PCDH9: variants seen among roughly 807,000 people sequenced by gnomAD.
PCDH9 encodes the protein protocadherin 9.
Under a neutral mutation model 70.6 loss-of-function variants are expected in PCDH9, and 24 were observed. The ratio of observed to expected loss-of-function variants is 0.34; its 90% confidence interval spans 0.25 to 0.48. The LOEUF is 0.48. PCDH9 is among the 20% of genes least tolerant of loss of function. The pLI is 0.99. For synonymous variants in PCDH9, 562 were observed against 558.5 expected (o/e 1.01, Z -0.09); for missense variants, 1,281 against 1,503.6 (o/e 0.85, Z 2.45).
intron 2 of PCDH9, among the ~76,000 whole-genome samples, chr13:66,970,858 T>A (rs887173271): frequency 3.9e-5 from 6 of 152,018 alleles, no homozygotes; most frequent in Non-Finnish European, 8.8e-5. Context: ...TATTTATTTA[T>A]CTTTTTAACA....
chr13:67,145,320 G>C (rs767860911), intron 2 of PCDH9, among the ~76,000 whole-genome samples: 1 of 151,966 alleles, frequency 6.6e-6, no homozygotes, highest in Non-Finnish European at 1.5e-5. Flanking sequence ...TCTCTATTAA[G>C]ATGCTTAGGT....
At chr13:67,131,771 C>G (rs2087117532) in intron 2 of PCDH9, among the ~76,000 whole-genome samples, 1 of 152,164 alleles carries the variant, frequency 6.6e-6, no homozygotes. Flanking sequence ...CACTTTCCTT[C>G]AATTACAATC....
intron 4 of PCDH9, among the ~76,000 whole-genome samples, chr13:66,496,905 T>A (rs1230154213): frequency 6.6e-6 from 1 of 152,196 alleles, no homozygotes; most frequent in South Asian, 2.1e-4. Flanking sequence ...GTTTGAAGGC[T>A]CTTATATCCA....
chr13:66,685,832 C>A (rs1306499130), intron 3 of PCDH9, among the ~76,000 whole-genome samples: 1 of 152,164 alleles, frequency 6.6e-6, no homozygotes, highest in African/African-American at 2.4e-5. Flanking sequence ...TTTGGACTTG[C>A]ATAGGGCCTG....
At chr13:67,209,432 A>G (rs1202673513) in intron 2 of PCDH9, 4 of 152,132 alleles carry the variant, frequency 2.6e-5, no homozygotes, top group South Asian at 4.1e-4. Flanking sequence ...GAACTATTTA[A>G]TACATCTCCT....
At chr13:66,959,691 T>C (rs1022367333) in intron 2 of PCDH9, among the ~76,000 whole-genome samples, 2 of 150,134 alleles carry the variant, frequency 1.3e-5, no homozygotes, top group Admixed American at 6.7e-5. Flanking sequence ...TTTGAGGTTG[T>C]AGTAAATTAT....
chr13:67,028,020 A>G (rs2084823344), intron 2 of PCDH9, among the ~76,000 whole-genome samples: 3 of 151,036 alleles, frequency 2.0e-5, no homozygotes, highest in African/African-American at 7.3e-5. Flanking sequence ...GCGATTCCTC[A>G]GGGATCTAGA....
At chr13:66,360,867 A>G (rs1956459811) in intron 4 of PCDH9, among the ~76,000 whole-genome samples, 1 of 152,110 alleles carries the variant, frequency 6.6e-6, no homozygotes, top group African/African-American at 2.4e-5. Context: ...AATCTAAGCA[A>G]TTACCCAGCA....
chr13:66,841,720 T>A (rs1326644865), intron 3 of PCDH9, among the ~76,000 whole-genome samples: 2 of 152,158 alleles, frequency 1.3e-5, no homozygotes, highest in Admixed American at 6.6e-5. Context: ...TTTTGACAAA[T>A]GTTAATGGAA....
chr13:66,541,611 T>C (rs974754803), intron 4 of PCDH9, among the ~76,000 whole-genome samples: 1 of 152,184 alleles, frequency 6.6e-6, no homozygotes, highest in Non-Finnish European at 1.5e-5. Flanking sequence ...CTTCACATAG[T>C]GTACTTCTCT....
intron 3 of PCDH9, among the ~76,000 whole-genome samples, chr13:66,794,408 G>A (rs562396568): frequency 2.6e-5 from 4 of 152,254 alleles, no homozygotes; most frequent in Admixed American, 6.5e-5. Context: ...TAGCTCCACC[G>A]TCATACATGG....
At chr13:66,338,665 G>A (rs1218963578) in intron 4 of PCDH9, among the ~76,000 whole-genome samples, 1 of 151,634 alleles carries the variant, frequency 6.6e-6, no homozygotes. Context: ...GTGGTTCTGT[G>A]TGAGAAATTC....
At chr13:66,883,510 T>C (rs1424924750) in intron 3 of PCDH9, among the ~76,000 whole-genome samples, 1 of 152,152 alleles carries the variant, frequency 6.6e-6, no homozygotes. Context: ...AACTCAGCCT[T>C]TCTCACATTG....
intron 3 of PCDH9, among the ~76,000 whole-genome samples, chr13:66,835,487 G>A (rs2071271499): frequency 1.3e-5 from 2 of 152,192 alleles, no homozygotes; most frequent in East Asian, 1.9e-4. Context: ...GTCTGTCATT[G>A]TGATTAAATA....
chr13:66,336,240 C>T (rs1057231265), intron 4 of PCDH9, among the ~76,000 whole-genome samples: 21 of 151,864 alleles, frequency 1.4e-4, no homozygotes, highest in African/African-American at 3.4e-4. Flanking sequence ...TTCAATACTC[C>T]GCTTAAAGGC....
chr13:66,476,616 ATC>A (rs900647378), intron 4 of PCDH9, among the ~76,000 whole-genome samples: 1 of 152,034 alleles, frequency 6.6e-6, no homozygotes, highest in African/African-American at 2.4e-5. Flanking sequence ...TTTCAATAAT[ATC>A]TCTGTCACAA....
At chr13:66,908,599 T>C (rs917191602) in intron 2 of PCDH9, among the ~76,000 whole-genome samples, 1 of 152,178 alleles carries the variant, frequency 6.6e-6, no homozygotes, top group African/African-American at 2.4e-5. Context: ...TAGAAACTAA[T>C]AAAATTTATA....
intron 2 of PCDH9, among the ~76,000 whole-genome samples, chr13:67,196,541 T>C: frequency 6.6e-6 from 1 of 152,056 alleles, no homozygotes; most frequent in East Asian, 1.9e-4. Flanking sequence ...GAAAACTACT[T>C]ATAGTGTAAA....
chr13:66,807,710 A>G (rs181979242), intron 3 of PCDH9, among the ~76,000 whole-genome samples: 6 of 152,342 alleles, frequency 3.9e-5, no homozygotes, highest in Non-Finnish European at 1.5e-5. Context: ...AGACAAAGGC[A>G]TGTATTATGT....
Sources: allele counts gnomAD v4.1 joint callset (sites outside exome capture counted in the v4.1 genomes callset), GRCh38; gene constraint gnomAD v4.1.1; transcripts MANE v1.5; gene names NCBI Gene and HGNC (gene_info 2026-07-23, HGNC 2026-07-21).